The following KCNIP1 variants were observed in gnomAD, a reference collection of about 807,000 sequenced individuals.
The protein encoded by KCNIP1 is potassium voltage-gated channel interacting protein 1.
A neutral mutation model predicts 33.0 loss-of-function variants in KCNIP1; 18 were observed. The observed-to-expected ratio is 0.55, with a 90% CI of 0.38 to 0.81. KCNIP1 has a LOEUF of 0.81. Ranked by LOEUF, KCNIP1 falls within the 30% of genes least tolerant of loss-of-function variation. The probability of loss-of-function intolerance (pLI) is 0.00; values close to 1 mark genes in which losing one functional copy is unlikely to be tolerated. For synonymous variants in KCNIP1, 93 were observed against 98.3 expected (o/e 0.95, Z 0.32); for missense variants, 238 against 271.6 (o/e 0.88, Z 0.87).
At chr5:170,438,923 C>G (rs1755926240) in intron 1 of KCNIP1, among the ~76,000 whole-genome samples, 1 of 152,134 alleles carries the variant, frequency 6.6e-6, no homozygotes, top group African/African-American at 2.4e-5. Flanking sequence ...TGGGCCTGTC[C>G]ATACGCCACC....
At chr5:170,726,745 C>CAAAA (rs57173351) in intron 5 of KCNIP1, among the ~76,000 whole-genome samples, 26 of 56,692 alleles carry the variant, frequency 4.6e-4, no homozygotes, top group African/African-American at 1.4e-3. Flanking sequence ...ACTAAAAATA[C>CAAAA]AAAAAAAAAA....
chr5:170,666,380 G>A (rs561260044), intron 1 of KCNIP1, among the ~76,000 whole-genome samples: 1 of 152,132 alleles, frequency 6.6e-6, no homozygotes, highest in Admixed American at 6.5e-5. Flanking sequence ...AAGATGCTTA[G>A]GCTTGCTTTG....
intron 1 of KCNIP1, among the ~76,000 whole-genome samples, chr5:170,511,788 A>C (rs1194724689): frequency 6.6e-6 from 1 of 152,228 alleles, no homozygotes; most frequent in Non-Finnish European, 1.5e-5. Context: ...TGGGAATCGC[A>C]GAGCCTGGTT....
intron 1 of KCNIP1, among the ~76,000 whole-genome samples, chr5:170,585,218 C>G (rs28379900): frequency 0.16 from 24,781 of 152,076 alleles, 2,144 homozygotes; most frequent in African/African-American, 0.24. Flanking sequence ...CCCAATTAAG[C>G]TATAAAATGT....
At chr5:170,707,025 C>T (rs527985043) in intron 1 of KCNIP1, among the ~76,000 whole-genome samples, 1 of 152,278 alleles carries the variant, frequency 6.6e-6, no homozygotes, top group African/African-American at 2.4e-5. Context: ...TGGGAAGTTT[C>T]TCCACTGCCA....
At chr5:170,479,144 C>T (rs1047044868) in intron 1 of KCNIP1, among the ~76,000 whole-genome samples, 17 of 152,174 alleles carry the variant, frequency 1.1e-4, no homozygotes, top group African/African-American at 3.6e-4. Context: ...TAGCTGGAGG[C>T]GCTGAGCAGG....
intron 2 of KCNIP1, among the ~76,000 whole-genome samples, chr5:170,719,390 G>A (rs1465906282): frequency 6.6e-6 from 1 of 152,200 alleles, no homozygotes; most frequent in African/African-American, 2.4e-5. Flanking sequence ...AATCAAAAGT[G>A]GAGTCAGAGG....
intron 1 of KCNIP1, among the ~76,000 whole-genome samples, chr5:170,493,567 C>T (rs1163500619): frequency 6.6e-6 from 1 of 152,068 alleles, no homozygotes; most frequent in East Asian, 1.9e-4. Flanking sequence ...GTTGGTGAGC[C>T]CATAGATGGG....
At chr5:170,382,051 C>T (rs7725170) in intron 1 of KCNIP1, among the ~76,000 whole-genome samples, 6 of 152,150 alleles carry the variant, frequency 3.9e-5, no homozygotes, top group East Asian at 3.9e-4. Context: ...TGCCCCTTCC[C>T]GTCCCATCAG....
intron 1 of KCNIP1, among the ~76,000 whole-genome samples, chr5:170,477,931 A>G (rs1283662515): frequency 9.2e-5 from 14 of 152,230 alleles, no homozygotes; most frequent in Admixed American, 8.5e-4. Flanking sequence ...GCAGTAGAGT[A>G]TGACAAAAAA....
chr5:170,378,419 C>T (rs1021864702), intron 1 of KCNIP1: 11 of 366,996 alleles, frequency 3.0e-5, no homozygotes, highest in South Asian at 6.5e-5. Flanking sequence ...GTGATGCAGC[C>T]GGAAACAGGT....
intron 1 of KCNIP1, among the ~76,000 whole-genome samples, chr5:170,537,883 TC>T (rs1756055799): frequency 6.6e-6 from 1 of 152,154 alleles, no homozygotes; most frequent in Admixed American, 6.5e-5. Flanking sequence ...GCCTTCCAAT[TC>T]CCCAATCTGA....
intron 1 of KCNIP1, among the ~76,000 whole-genome samples, chr5:170,571,842 C>T (rs1243575735): frequency 7.9e-5 from 12 of 152,284 alleles, no homozygotes; most frequent in African/African-American, 2.9e-4. Flanking sequence ...GGCCCTTCGC[C>T]TACAAAATAC....
At chr5:170,465,551 G>A (rs1475368954) in intron 1 of KCNIP1, among the ~76,000 whole-genome samples, 3 of 152,080 alleles carry the variant, frequency 2.0e-5, no homozygotes, top group Admixed American at 6.5e-5. Flanking sequence ...TGACGACACT[G>A]AAGAAACAAA....
chr5:170,726,203 A>G (rs1763999508), intron 5 of KCNIP1, among the ~76,000 whole-genome samples: 1 of 152,230 alleles, frequency 6.6e-6, no homozygotes. Flanking sequence ...CAAATTATAT[A>G]CCAGATATAT....
Position 170,489,243 on chromosome 5 carries a change from G to A in KCNIP1, c.88+135279G>A, listed in dbSNP as rs1757157453. 6.6e-6 allele frequency among the ~76,000 whole-genome samples: 1 copy of A among 152,230 alleles called. No homozygotes were observed. On this transcript the variant is annotated intron_variant, in intron 1 of 7. Transcript: ENST00000377360. The surrounding 1 kb of genome is among the most constrained non-coding windows in gnomAD (Gnocchi z 4.3). Reference sequence around the variant, plus strand: ...ACCTCGGCACTTACCCCAAAAGATGGAGGACTGCTGGCAGAAACAGACAGA... The same window carrying A: ...ACCTCGGCACTTACCCCAAAAGATGAAGGACTGCTGGCAGAAACAGACAGA...
intron 1 of KCNIP1, among the ~76,000 whole-genome samples, chr5:170,495,782 G>A (rs937700442): frequency 3.3e-5 from 5 of 152,236 alleles, no homozygotes; most frequent in Non-Finnish European, 2.9e-5. Context: ...GGAAATAACA[G>A]AAGGAGCCCC....
rs138042329 is a variant in KCNIP1, at chr5:170,420,836, A to G, written c.88+66872A>G. Among the ~76,000 whole-genome samples, 19 of 152,272 alleles carry G rather than the reference A, an allele frequency of 1.2e-4. No individual in the cohort carries two copies. The East Asian group carries it at 3.7e-3, about 29-fold the overall frequency. On this transcript the variant is annotated intron_variant, in intron 1 of 7. Transcript: ENST00000377360. ...CTCCCCCCCAACCCCACTTCTTTGT[A>G]TTCAGTCTTCGAAGTCAGTGGGTAT...
At chr5:170,462,264 C>CAAAAAAAAAAAAAAA (rs760686464) in intron 1 of KCNIP1, among the ~76,000 whole-genome samples, 26 of 51,938 alleles carry the variant, frequency 5.0e-4, no homozygotes, top group Non-Finnish European at 7.1e-4. Context: ...AACAAATTAG[C>CAAAAAAAAAAAAAAA]AAAAAAAAAA....
Sources: allele counts gnomAD v4.1 joint callset (sites outside exome capture counted in the v4.1 genomes callset), GRCh38; gene constraint gnomAD v4.1.1; non-coding constraint Gnocchi (gnomAD v3.1); transcripts MANE v1.5; gene names NCBI Gene and HGNC (gene_info 2026-07-23, HGNC 2026-07-21).